Variants in PTGR1 observed in about 807,000 individuals in gnomAD.
PTGR1 encodes the protein 15-oxoprostaglandin 13-reductase.
PTGR1 carries 23 observed loss-of-function variants against 37.7 expected under a neutral mutation model. The observed-to-expected ratio is 0.61, with a 90% CI of 0.44 to 0.86. The LOEUF (loss-of-function observed/expected upper bound fraction) is 0.86, where lower values mean the gene tolerates loss of function less well. PTGR1 is among the 40% of genes least tolerant of loss of function. PTGR1 has a pLI of 0.00. For synonymous variants in PTGR1, 134 were observed against 140.0 expected, an observed-to-expected ratio of 0.96 and a Z score of 0.30; for missense variants, 351 against 394.3, an observed-to-expected ratio of 0.89 and a Z score of 0.93.
chr9:111,565,882 G>C (rs1340855182), intron 9 of PTGR1, among the ~76,000 whole-genome samples: 1 of 152,012 alleles, frequency 6.6e-6, no homozygotes, highest in African/African-American at 2.4e-5. Context: ...GATTAAAAAG[G>C]GAGTATGTGA....
At chr9:111,570,567 G>A (rs1273168993) in intron 8 of PTGR1, among the ~76,000 whole-genome samples, 1 of 151,458 alleles carries the variant, frequency 6.6e-6, no homozygotes, top group African/African-American at 2.4e-5. Flanking sequence ...TCAGGAGTTC[G>A]AGACCAGCCT....
intron 8 of PTGR1, among the ~76,000 whole-genome samples, chr9:111,573,864 A>C (rs990871550): frequency 6.6e-6 from 1 of 152,166 alleles, no homozygotes; most frequent in Non-Finnish European, 1.5e-5. Context: ...TGGTTTCAGC[A>C]TAAGAGAGTA....
chr9:111,563,436 A>G (rs1828402092), intron 9 of PTGR1: 1 of 466,338 alleles, frequency 2.1e-6, no homozygotes, highest in African/African-American at 2.0e-5. Flanking sequence ...AAGTACACCT[A>G]AGAAGAAATA....
At chr9:111,586,714 G>A (rs939736976) in intron 4 of PTGR1, among the ~76,000 whole-genome samples, 3 of 151,030 alleles carry the variant, frequency 2.0e-5, no homozygotes, top group Non-Finnish European at 4.4e-5. Context: ...CTCCACTAAG[G>A]TCACAACAAC....
At chr9:111,563,339 A>T in intron 9 of PTGR1, 108 bp from the exon 10 acceptor site, 1 of 1,137,496 alleles carries the variant, frequency 8.8e-7, no homozygotes, top group South Asian at 1.7e-5. Flanking sequence ...AAACCTTGAA[A>T]ATAAGAGATG....
In PTGR1 at chr9:111,565,309, C is replaced by T. The variant is rs1397174079; in HGVS notation, c.880-2078G>A. ...CTGCAAAGAAACAACCCTGCTGACA[C>T]CTTGATCTTAGACTTCTAGCCTCCA... is the stretch of plus-strand genomic sequence containing the variant. On this transcript the variant is annotated intron_variant, in intron 9 of 9. Coordinates refer to ENST00000407693, the MANE Select transcript of PTGR1 (RefSeq NM_001146108.2). 2.0e-5 allele frequency among the ~76,000 whole-genome samples: 3 copies of T among 152,104 alleles called. No individual in the cohort carries two copies. The East Asian group carries it at 5.8e-4, about 29-fold the overall frequency.
chr9:111,584,737 A>C lies in PTGR1; in HGVS notation c.378-1148T>G, dbSNP rs7019091. On this transcript the variant is annotated intron_variant, in intron 5 of 9. Coordinates refer to ENST00000407693, the MANE Select transcript of PTGR1 (RefSeq NM_001146108.2). ...AAGACCAGTATAGATCAAGATCAAG[A>C]AGTTGTTGTTGTCCCCCTTCTACTG... Among the ~76,000 whole-genome samples the C allele has an allele frequency of 4.4e-3, 674 of 152,308 alleles. 5 individuals carry two copies. The highest frequency in any genetic ancestry group is 0.015 in the African/African-American group (623 of 41,568).
At chr9:111,551,913 T>C (rs1827972853) in intron 9 of PTGR1, among the ~76,000 whole-genome samples, 1 of 152,220 alleles carries the variant, frequency 6.6e-6, no homozygotes, top group Admixed American at 6.5e-5. Flanking sequence ...CAGATTTTGC[T>C]TATTTTTTGC....
chr9:111,593,398 C>G (rs558191315), intron 3 of PTGR1, among the ~76,000 whole-genome samples: 1 of 152,214 alleles, frequency 6.6e-6, no homozygotes, highest in African/African-American at 2.4e-5. Context: ...AGATTTGAAT[C>G]TTTATCAATC....
intron 9 of PTGR1, among the ~76,000 whole-genome samples, chr9:111,569,623 G>A (rs182488350): frequency 4.6e-4 from 70 of 152,220 alleles, no homozygotes; most frequent in African/African-American, 1.3e-3. Flanking sequence ...AAGTTAGCTG[G>A]GCGTGGTGGT....
At chr9:111,585,933 C>G in intron 5 of PTGR1, 65 bp downstream of exon 5, 3 of 1,583,836 alleles carry the variant, frequency 1.9e-6, no homozygotes, top group Non-Finnish European at 2.6e-6. Flanking sequence ...AAGTTCTGAA[C>G]AAACCATTTT....
intron 4 of PTGR1, among the ~76,000 whole-genome samples, chr9:111,586,803 CTA>C (rs1170334255): frequency 0.027 from 3,922 of 143,330 alleles, 71 homozygotes; most frequent in South Asian, 0.041. Flanking sequence ...CTCTCTCTCT[CTA>C]TATATATATA....
At chr9:111,564,678 G>C (rs1048609787) in intron 9 of PTGR1, among the ~76,000 whole-genome samples, 8 of 152,060 alleles carry the variant, frequency 5.3e-5, no homozygotes, top group African/African-American at 1.9e-4. Flanking sequence ...TGGATAGGGT[G>C]GAAAGGTAGA....
At chr9:111,565,213 G>A (rs984087183) in intron 9 of PTGR1, among the ~76,000 whole-genome samples, 1 of 152,110 alleles carries the variant, frequency 6.6e-6, no homozygotes, top group Non-Finnish European at 1.5e-5. Context: ...TTAGGACATA[G>A]ACACACAGAG....
intron 6 of PTGR1, 68 bp from the exon 7 acceptor site, chr9:111,579,019 T>C: frequency 6.9e-7 from 1 of 1,441,330 alleles, no homozygotes; most frequent in South Asian, 1.4e-5. Context: ...ACTACTTTCC[T>C]GGTCTCGTAT....
chr9:111,593,724 G>A (rs1046431133), intron 3 of PTGR1, among the ~76,000 whole-genome samples: 1 of 151,682 alleles, frequency 6.6e-6, no homozygotes, highest in Non-Finnish European at 1.5e-5. Flanking sequence ...GCTGGAGTGC[G>A]GTGGCAAGAT....
At chr9:111,586,449 G>T (rs1829431388) in intron 4 of PTGR1, among the ~76,000 whole-genome samples, 1 of 152,012 alleles carries the variant, frequency 6.6e-6, no homozygotes, top group Non-Finnish European at 1.5e-5. Flanking sequence ...CTGTCCTGTG[G>T]CTCAAGGTGA....
At chr9:111,567,413 T>C (rs768059391) in intron 9 of PTGR1, among the ~76,000 whole-genome samples, 5 of 152,124 alleles carry the variant, frequency 3.3e-5, no homozygotes, top group Admixed American at 6.6e-5. Context: ...TCTCGATCTC[T>C]TGACCTTGTG....
At chr9:111,595,134 C>T (rs1296292439) in intron 2 of PTGR1, among the ~76,000 whole-genome samples, 1 of 152,020 alleles carries the variant, frequency 6.6e-6, no homozygotes, top group Non-Finnish European at 1.5e-5. Context: ...GGATTACAGG[C>T]ATGAGCCACC....
Sources: gnomAD v4.1 joint callset for allele counts (sites outside exome capture counted in the v4.1 genomes callset) on GRCh38, gnomAD v4.1.1 for gene constraint, MANE v1.5 for transcripts, NCBI Gene and HGNC (gene_info 2026-07-23, HGNC 2026-07-21) for gene names.